C9orf40: variants seen among roughly 807,000 people sequenced by gnomAD.
C9orf40 encodes the protein chromosome 9 open reading frame 40, also known as uncharacterized protein C9orf40.
C9orf40 carries 2 observed loss-of-function variants against 7.9 expected under a neutral mutation model. The ratio of observed to expected loss-of-function variants is 0.25; its 90% CI spans 0.10 to 0.80. C9orf40 has a LOEUF of 0.80. C9orf40 is among the 30% of genes least tolerant of loss of function. The pLI is 0.68. For synonymous variants in C9orf40, 113 were observed against 117.6 expected, an observed-to-expected ratio of 0.96 and a Z score of 0.25; for missense variants, 256 against 268.5, an observed-to-expected ratio of 0.95 and a Z score of 0.33.
In C9orf40 at chr9:74,952,399, G is replaced by C. The variant is rs759542060; in HGVS notation, c.213C>G (p.Ser71Arg). Residue 71 changes from serine to arginine, a missense_variant, in exon 1 of 2, where the codon AGC (serine) becomes AGG (arginine). Physicochemically the swap from Ser to Arg is moderately radical, Grantham distance 110. Transcript: ENST00000376854. The surrounding 1 kb of genome is among the most constrained non-coding windows in gnomAD (Gnocchi z 5.4). ...TGTTGTCCCCGCTGTCACGGCGCTT[G>C]CTGGGCGAAGCCGAGGGCTCTGCCA... ...GTMAEPSASP[S>R]KRRDSGDNSA... is the part of the protein sequence containing the mutation. 1.3e-6 allele frequency: 2 copies of C among 1,581,580 alleles called. No homozygotes were observed. The highest frequency in any genetic ancestry group is 1.4e-5 in the African/African-American group (1 of 72,496).
chr9:74,951,607 A>C (rs1832299706), intron 1 of C9orf40, among the ~76,000 whole-genome samples: 1 of 152,138 alleles, frequency 6.6e-6, no homozygotes, highest in Admixed American at 6.5e-5. Context: ...TTAATTTTCA[A>C]TGATACTTTT....
At position 74,948,147 on chromosome 9, in the gene C9orf40, A is replaced by C. The variant is rs1316985343; in HGVS notation, c.486T>G (p.Pro162=). 1 of 1,613,442 alleles carries C rather than the reference A, an allele frequency of 6.2e-7. No individual in the cohort carries two copies. The highest frequency in any genetic ancestry group is 1.7e-5 in the Admixed American group (1 of 60,020). ...AATCTTCAATGTCTGCCAGATCAAT[A>C]GGAGGCAAAGGATTCCTCCAGTACT... ...TFQYWRNPLP[P]IDLADIEDLS... Residue 162 remains proline (P), a synonymous_variant, in exon 2 of 2, where the codon CCT becomes CCG. Coordinates refer to ENST00000376854, the MANE Select transcript of C9orf40 (RefSeq NM_017998.3).
chr9:74,946,952 TACTC>T lies in C9orf40; in HGVS notation c.*1092_*1095del, dbSNP rs1158503570. ...AAAAGTTAGTTAACTTAATCACTGA[TACTC>T]ACATCACAAATTGCTTACTTTATTT... On this transcript the variant is annotated 3_prime_UTR_variant, in exon 2 of 2. Transcript: ENST00000376854. The T allele has an allele frequency of 6.6e-6, 1 of 152,204 alleles. No individual in the cohort carries two copies. Among genetic ancestry groups the T allele is most frequent in the Non-Finnish European group, 1.5e-5 (1 of 68,036 alleles). 9.4% of individuals were successfully genotyped at this position (152,204 alleles called of 1,614,324 possible). A position where few individuals can be genotyped will look rare whatever the true frequency, so the allele number is the denominator to read the frequency against.
rs1234857584 is a variant in C9orf40 at position 74,952,055 on chromosome 9, G to T, written c.426+131C>A. 7.8e-6 allele frequency: 3 copies of T among 382,846 alleles called. No homozygotes were observed. The East Asian group carries it at 1.1e-4, about 14-fold the overall frequency. The allele number at this position is 382,846 out of a possible 1,614,324, so 23.7% of individuals were successfully genotyped here. On this transcript the variant is annotated intron_variant, in intron 1 of 1. Coordinates refer to ENST00000376854, the MANE Select transcript of C9orf40 (RefSeq NM_017998.3). This position sits in a 1 kb window ranked among gnomAD's most constrained non-coding sequence, Gnocchi z 5.4. ...GGCGGTCGGCGTCCTCTCCCGGAGC[G>T]GTGACCCCTTCTTTCAACCCCCTCA... is the stretch of plus-strand genomic sequence containing the variant.
Position 74,952,784 on chromosome 9 carries a change from TG to T in C9orf40, c.-174del. The T allele has an allele frequency of 1.8e-6, 1 of 550,380 alleles. No individual in the cohort carries two copies. The highest frequency in any genetic ancestry group is 3.1e-6 in the Non-Finnish European group (1 of 326,428). The allele number at this position is 550,380 out of a possible 1,614,324, so 34.1% of individuals were successfully genotyped here. ...GGGCAGCTCGCGCAGGGCCTAGGGC[TG>T]GGGCTCCGGCTCGGAGGCAGCTCCC... On this transcript the variant is annotated 5_prime_UTR_variant, in exon 1 of 2. Coordinates refer to ENST00000376854, the MANE Select transcript of C9orf40 (RefSeq NM_017998.3). This position sits in a 1 kb window ranked among gnomAD's most constrained non-coding sequence, Gnocchi z 5.4.
intron 1 of C9orf40, among the ~76,000 whole-genome samples, chr9:74,951,330 G>C (rs2769060): frequency 6.6e-6 from 1 of 151,838 alleles, no homozygotes; most frequent in South Asian, 2.1e-4. Context: ...CTCACTCTGT[G>C]GCCCAGGCTG....
In C9orf40 at chr9:74,952,540, G is replaced by A. The variant is rs1417926317; in HGVS notation, c.72C>T (p.Phe24=). The change falls in exon 1 of 2, where the codon TTC becomes TTT. Residue 24 remains phenylalanine (F), a synonymous_variant. Transcript: ENST00000376854. The surrounding 1 kb of genome is among the most constrained non-coding windows in gnomAD (Gnocchi z 5.4). ...VPWKRLLLCD[F]AEQPPPPPLW... ...GAGGCGGTGGCGGCGGCTGCTCAGC[G>A]AAGTCGCAAAGCAGGAGCCGCTTCC... 4 of 1,588,322 alleles carry A rather than the reference G, an allele frequency of 2.5e-6. No individual in the cohort carries two copies. Among genetic ancestry groups the A allele is most frequent in the East Asian group, 4.5e-5 (2 of 44,392 alleles).
intron 1 of C9orf40, among the ~76,000 whole-genome samples, chr9:74,949,735 A>C (rs1266445635): frequency 1.3e-5 from 2 of 152,194 alleles, no homozygotes; most frequent in Non-Finnish European, 2.9e-5. Context: ...ATCAGGTATA[A>C]AATCCTTAAA....
At position 74,952,638 on chromosome 9, in the gene C9orf40, C is replaced by G. The variant is rs1416289876; in HGVS notation, c.-27G>C. ...GGCCCAGAGGCTCGGGCGGAGCCCG[C>G]CAGGCGCGGGAGACCGAGTGCCGAT... is the stretch of plus-strand genomic sequence containing the variant. On this transcript the variant is annotated 5_prime_UTR_variant, in exon 1 of 2. Transcript: ENST00000376854. The surrounding 1 kb of genome is among the most constrained non-coding windows in gnomAD (Gnocchi z 5.4). 2.6e-6 allele frequency: 4 copies of G among 1,521,348 alleles called. No individual in the cohort carries two copies. Among genetic ancestry groups the G allele is most frequent in the Non-Finnish European group, 3.5e-6 (4 of 1,143,302 alleles). 94.2% of individuals were successfully genotyped at this position (1,521,348 alleles called of 1,614,324 possible).
Position 74,947,853 on chromosome 9 carries a change from C to G in C9orf40, c.*195G>C, listed in dbSNP as rs1361027192. 2.0e-6 allele frequency: 1 copy of G among 502,404 alleles called. No homozygotes were observed. Among genetic ancestry groups the G allele is most frequent in the East Asian group, 3.3e-5 (1 of 30,316 alleles). The allele number at this position is 502,404 out of a possible 1,614,324, so 31.1% of individuals were successfully genotyped here. ...ATAAAATACTTCCCCTACAACTGTA[C>G]TCTATCCTTGACAAATCCTTATTAA... On this transcript the variant is annotated 3_prime_UTR_variant, in exon 2 of 2. Transcript: ENST00000376854.
At chr9:74,948,973 T>A (rs11144169) in intron 1 of C9orf40, among the ~76,000 whole-genome samples, 40,728 of 152,060 alleles carry the variant, frequency 0.27, 7,000 homozygotes, top group Non-Finnish European at 0.38. Context: ...CTTATAAACA[T>A]GGACCAAAAA....
At position 74,952,721 on chromosome 9, in the gene C9orf40, G is replaced by A. The variant is rs576778925; in HGVS notation, c.-110C>T. 3 of 1,038,914 alleles carry A rather than the reference G, an allele frequency of 2.9e-6. No individual in the cohort carries two copies. Among genetic ancestry groups the A allele is most frequent in the Non-Finnish European group, 4.0e-6 (3 of 741,288 alleles). The allele number at this position is 1,038,914 out of a possible 1,614,324, so 64.4% of individuals were successfully genotyped here. On this transcript the variant is annotated 5_prime_UTR_variant, in exon 1 of 2. Transcript: ENST00000376854. The surrounding 1 kb of genome is among the most constrained non-coding windows in gnomAD (Gnocchi z 5.4). ...CGTGAGAGAGGGACAGGCCGAAGTC[G>A]GGCGAGGAGGCGACAGGACGCTGGA...
chr9:74,952,158 CCTCAG>C lies in C9orf40; in HGVS notation c.426+23_426+27del. 1.8e-6 allele frequency: 1 copy of C among 562,328 alleles called. No homozygotes were observed. The highest frequency in any genetic ancestry group is 2.6e-6 in the Non-Finnish European group (1 of 382,612). The allele number at this position is 562,328 out of a possible 1,614,324, so 34.8% of individuals were successfully genotyped here. A position where few individuals can be genotyped will look rare whatever the true frequency, so the allele number is the denominator to read the frequency against. ...TGGGGAAAAGGCAAGCCCCTTCGCC[CCTCAG>C]CCCACCCGCCCCCAGCCCCTACCTG... On this transcript the variant is annotated intron_variant, in intron 1 of 1. Transcript: ENST00000376854. The surrounding 1 kb of genome is among the most constrained non-coding windows in gnomAD (Gnocchi z 5.4).
In C9orf40 at chr9:74,952,614, GC is replaced by G; in HGVS notation, c.-4del. 6.4e-7 allele frequency: 1 copy of G among 1,557,224 alleles called. No homozygotes were observed. Among genetic ancestry groups the G allele is most frequent in the Non-Finnish European group, 8.6e-7 (1 of 1,162,100 alleles). ...TCGGCCGCACGCCGCTTGGCCATGG[GC>G]CCAGAGGCTCGGGCGGAGCCCGCCA... On this transcript the variant is annotated 5_prime_UTR_variant, in exon 1 of 2. Transcript: ENST00000376854. This position sits in a 1 kb window ranked among gnomAD's most constrained non-coding sequence, Gnocchi z 5.4.
At chr9:74,949,704 A>G (rs1283305161) in intron 1 of C9orf40, among the ~76,000 whole-genome samples, 2 of 152,184 alleles carry the variant, frequency 1.3e-5, no homozygotes, top group African/African-American at 4.8e-5. Flanking sequence ...TCTTTTTGTT[A>G]TATTCAATTT....
intron 1 of C9orf40, among the ~76,000 whole-genome samples, chr9:74,949,656 A>G (rs574168908): frequency 6.6e-6 from 1 of 152,330 alleles, no homozygotes; most frequent in Admixed American, 6.5e-5. Flanking sequence ...TTCTGAGCAC[A>G]AAAGAAACCA....
At position 74,952,312 on chromosome 9, in the gene C9orf40, C is replaced by A; in HGVS notation, c.300G>T (p.Pro100=). The change falls in exon 1 of 2, where the codon CCG becomes CCT. Residue 100 remains proline (P), a synonymous_variant. Coordinates refer to ENST00000376854, the MANE Select transcript of C9orf40 (RefSeq NM_017998.3). The surrounding 1 kb of genome is among the most constrained non-coding windows in gnomAD (Gnocchi z 5.4). ...HGLETGDPPL[P]PPPVLPGPGE... is the part of the protein sequence containing the mutation. ...CCGGCCCCGGCAGTACGGGCGGCGG[C>A]GGCAGCGGCGGATCGCCTGTCTCCA... is the stretch of plus-strand genomic sequence containing the variant. 7.2e-7 allele frequency: 1 copy of A among 1,381,106 alleles called. No homozygotes were observed. Among genetic ancestry groups the A allele is most frequent in the Non-Finnish European group, 9.4e-7 (1 of 1,068,986 alleles). The allele number at this position is 1,381,106 out of a possible 1,614,324, so 85.6% of individuals were successfully genotyped here.
At chr9:74,950,800 G>GT (rs1219953162) in intron 1 of C9orf40, among the ~76,000 whole-genome samples, 1 of 152,140 alleles carries the variant, frequency 6.6e-6, no homozygotes, top group African/African-American at 2.4e-5. Flanking sequence ...TGAGAAACCT[G>GT]TACTTGGTTC....
Position 74,952,104 on chromosome 9 carries a change from T to A in C9orf40, c.426+82A>T. 2 of 507,992 alleles carry A rather than the reference T, an allele frequency of 3.9e-6. No individual in the cohort carries two copies. The highest frequency in any genetic ancestry group is 3.1e-6 in the Non-Finnish European group (1 of 319,406). 31.5% of individuals were successfully genotyped at this position (507,992 alleles called of 1,614,324 possible). Reference sequence around the variant, plus strand: ...CAGGCGTCTTAACCTACACAAGTCATGAGTGGGAACCGGGGCGTTTTGTGT... The same window carrying A: ...CAGGCGTCTTAACCTACACAAGTCAAGAGTGGGAACCGGGGCGTTTTGTGT... On this transcript the variant is annotated intron_variant, in intron 1 of 1. Coordinates refer to ENST00000376854, the MANE Select transcript of C9orf40 (RefSeq NM_017998.3). This position sits in a 1 kb window ranked among gnomAD's most constrained non-coding sequence, Gnocchi z 5.4.
Sources: allele counts gnomAD v4.1 joint callset (sites outside exome capture counted in the v4.1 genomes callset), GRCh38; gene constraint gnomAD v4.1.1; non-coding constraint Gnocchi (gnomAD v3.1); transcripts MANE v1.5; gene names NCBI Gene and HGNC (gene_info 2026-07-23, HGNC 2026-07-21).